EDDM13: variants seen among roughly 807,000 people sequenced by gnomAD.
EDDM13 encodes the protein epididymal protein 13.
A neutral mutation model predicts 17.8 loss-of-function variants in EDDM13; 24 were observed. The ratio of observed to expected loss-of-function variants is 1.35; its 90% confidence interval spans 0.98 to 1.90. The LOEUF (loss-of-function observed/expected upper bound fraction) is 1.90, where lower values mean the gene tolerates loss of function less well. Ranked by LOEUF, EDDM13 falls within the 40% of genes most tolerant of loss-of-function variation. The probability of loss-of-function intolerance (pLI) is 0.00; values close to 1 mark genes in which losing one functional copy is unlikely to be tolerated. For synonymous variants in EDDM13, 31 were observed against 37.5 expected (o/e 0.83, Z 0.63); for missense variants, 97 against 100.8 (o/e 0.96, Z 0.16).
intron 1 of EDDM13, among the ~76,000 whole-genome samples, chr19:56,273,724 G>A (rs531563155): frequency 6.6e-6 from 1 of 152,150 alleles, no homozygotes; most frequent in African/African-American, 2.4e-5. Context: ...TGGTGAGACT[G>A]TTACAAGTAA....
intron 7 of EDDM13, among the ~76,000 whole-genome samples, 95 bp downstream of exon 7, chr19:56,288,533 C>T (rs953257299): frequency 6.6e-6 from 1 of 152,212 alleles, no homozygotes; most frequent in African/African-American, 2.4e-5. Context: ...GATGCTTTTG[C>T]TGTCTGCTTC....
At chr19:56,308,226 G>C (rs1373859650) in intron 14 of EDDM13, among the ~76,000 whole-genome samples, 1 of 152,010 alleles carries the variant, frequency 6.6e-6, no homozygotes. Context: ...TAGAGACGGG[G>C]TTTCACCATG....
Position 56,303,885 on chromosome 19 carries a change from C to T in EDDM13, c.424-908C>T, listed in dbSNP as rs147262720. Reference sequence around the variant, plus strand: ...CAGAGCAGCTTGGGGGCAACCACTGCAAGCAAAGCAGGCATGCACAGCAGA... The same window carrying T: ...CAGAGCAGCTTGGGGGCAACCACTGTAAGCAAAGCAGGCATGCACAGCAGA... On this transcript the variant is annotated intron_variant, in intron 13 of 14. Transcript: ENST00000649256. Among the ~76,000 whole-genome samples the T allele has an allele frequency of 1.5e-3, 235 of 152,224 alleles. 1 individual carries two copies. Among genetic ancestry groups the T allele is most frequent in the African/African-American group, 5.3e-3 (220 of 41,530 alleles).
Position 56,272,780 on chromosome 19 carries a change from A to C in EDDM13, c.-55A>C. Reference sequence around the variant, plus strand: ...GAGCCTGGGAAGACGGTGGGTGACCAGAGAGTCCTGTCTATCCTAGGAGGA... The same window carrying C: ...GAGCCTGGGAAGACGGTGGGTGACCCGAGAGTCCTGTCTATCCTAGGAGGA... On this transcript the variant is annotated 5_prime_UTR_variant, in exon 1 of 15. Coordinates refer to ENST00000649256, the MANE Select transcript of EDDM13 (RefSeq NM_001354658.2). The C allele has an allele frequency of 1.4e-6, 1 of 724,110 alleles. No homozygotes were observed. The highest frequency in any genetic ancestry group is 1.7e-6 in the Non-Finnish European group (1 of 591,118). The allele number at this position is 724,110 out of a possible 1,614,324, so 44.9% of individuals were successfully genotyped here.
At chr19:56,276,504 C>CTTTTTT (rs767095656) in intron 2 of EDDM13, among the ~76,000 whole-genome samples, 1 of 97,050 alleles carries the variant, frequency 1.0e-5, no homozygotes, top group African/African-American at 3.1e-5. Flanking sequence ...ATCTAAAGAG[C>CTTTTTT]TCTTTTTTTT....
chr19:56,308,278 C>T (rs920562149), intron 14 of EDDM13, among the ~76,000 whole-genome samples: 2 of 151,828 alleles, frequency 1.3e-5, no homozygotes, highest in East Asian at 1.9e-4. Flanking sequence ...GTGATCCGCC[C>T]GCCTCGGCCT....
At chr19:56,309,142 C>T (rs73618178) in intron 14 of EDDM13, among the ~76,000 whole-genome samples, 1,560 of 152,284 alleles carry the variant, frequency 0.01, 28 homozygotes, top group African/African-American at 0.035. Flanking sequence ...GGTCCTGGCA[C>T]GTGCAACAAC....
At chr19:56,282,857 T>C (rs781377607) in intron 4 of EDDM13, 1 of 152,250 alleles carries the variant, frequency 6.6e-6, no homozygotes, top group Non-Finnish European at 1.5e-5. Context: ...TGAGGTCAGG[T>C]AGTAAAAGCC....
intron 12 of EDDM13, chr19:56,298,198 G>T (rs1003052028): frequency 6.6e-6 from 1 of 152,134 alleles, no homozygotes; most frequent in African/African-American, 2.4e-5. Flanking sequence ...TTGGAAGGAA[G>T]AAGAGAGTAT....
chr19:56,281,665 T>C, intron 2 of EDDM13, 28 bp from the exon 3 acceptor site: 1 of 984,920 alleles, frequency 1.0e-6, no homozygotes, highest in South Asian at 4.7e-5. Flanking sequence ...GTTGATTCAC[T>C]GGCTCCTGGC....
intron 12 of EDDM13, among the ~76,000 whole-genome samples, chr19:56,298,412 C>T (rs1003435612): frequency 2.6e-5 from 4 of 151,982 alleles, no homozygotes; most frequent in Non-Finnish European, 4.4e-5. Flanking sequence ...CCGAGGCAGG[C>T]GGATCACAAG....
In EDDM13 at chr19:56,302,105, A is replaced by C. The variant is rs1000019743; in HGVS notation, c.423+10A>C. ...CAACAAAGGGGACTGGGTAAGAAGA[A>C]GGCAGCACGGAGGGGAGGAGTGTGA... On this transcript the variant is annotated intron_variant, in intron 13 of 14. Coordinates refer to ENST00000649256, the MANE Select transcript of EDDM13 (RefSeq NM_001354658.2). 1.1e-5 allele frequency: 14 copies of C among 1,231,630 alleles called. No homozygotes were observed. The highest frequency in any genetic ancestry group is 1.4e-5 in the Non-Finnish European group (14 of 987,944). 76.3% of individuals were successfully genotyped at this position (1,231,630 alleles called of 1,614,324 possible).
At chr19:56,289,172 C>A (rs958139057) in intron 8 of EDDM13, among the ~76,000 whole-genome samples, 1 of 152,162 alleles carries the variant, frequency 6.6e-6, no homozygotes, top group African/African-American at 2.4e-5. Flanking sequence ...TCTGACCATG[C>A]CTGATTTCAG....
chr19:56,305,017 GCAAGGAAA>G (rs1198826315), intron 14 of EDDM13, among the ~76,000 whole-genome samples, 187 bp downstream of exon 14: 1 of 152,144 alleles, frequency 6.6e-6, no homozygotes, highest in Non-Finnish European at 1.5e-5. Flanking sequence ...CCTGACAGGG[GCAAGGAAA>G]CACATTGTAA....
chr19:56,277,398 T>A (rs185949290), intron 2 of EDDM13, among the ~76,000 whole-genome samples: 4 of 152,314 alleles, frequency 2.6e-5, no homozygotes, highest in Admixed American at 2.6e-4. Context: ...TGTGTGAGCC[T>A]TGAAAACATT....
chr19:56,279,664 C>G (rs1230671998), intron 2 of EDDM13, among the ~76,000 whole-genome samples: 1 of 152,134 alleles, frequency 6.6e-6, no homozygotes, highest in Non-Finnish European at 1.5e-5. Context: ...AATCCCCACA[C>G]CAGACTTGGT....
At chr19:56,297,668 T>G in intron 12 of EDDM13, 137 bp downstream of exon 12, 2 of 300,332 alleles carry the variant, frequency 6.7e-6, no homozygotes, top group Non-Finnish European at 9.8e-6. Context: ...GAGGCTGCCT[T>G]CCTGAAGGGC....
At chr19:56,278,115 T>TA (rs397957648) in intron 2 of EDDM13, among the ~76,000 whole-genome samples, 2 of 150,084 alleles carry the variant, frequency 1.3e-5, no homozygotes, top group African/African-American at 2.4e-5. Context: ...TTTTTTTTTT[T>TA]AGCTTTATGT....
chr19:56,302,783 T>C (rs1026901369), intron 13 of EDDM13: 5 of 397,740 alleles, frequency 1.3e-5, no homozygotes, highest in Non-Finnish European at 1.8e-5. Context: ...AGGGGCTCCT[T>C]TGAAATACTG....
Sources: allele counts gnomAD v4.1 joint callset (sites outside exome capture counted in the v4.1 genomes callset), GRCh38; gene constraint gnomAD v4.1.1; transcripts MANE v1.5; gene names NCBI Gene and HGNC (gene_info 2026-07-23, HGNC 2026-07-21).